Variants in FAM228B observed in about 807,000 individuals in gnomAD.
FAM228B encodes the protein protein FAM228B.
FAM228B carries 38 observed loss-of-function variants against 42.6 expected under a neutral mutation model. The ratio of observed to expected loss-of-function variants is 0.89; its 90% CI spans 0.69 to 1.17. The LOEUF (loss-of-function observed/expected upper bound fraction) is 1.17. FAM228B is among the 50% of genes most tolerant of loss of function. FAM228B has a pLI of 0.00. For synonymous variants in FAM228B, 109 were observed against 122.3 expected, an observed-to-expected ratio of 0.89 and a Z score of 0.72; for missense variants, 344 against 367.3, an observed-to-expected ratio of 0.94 and a Z score of 0.52.
upstream of FAM228B, chr2:24,122,381 G>T: frequency 7.4e-7 from 1 of 1,360,120 alleles, no homozygotes. Context: ...GAAATAATAA[G>T]TAAATCAAGT....
Position 24,139,402 on chromosome 2 carries a change from A to C in FAM228B, c.393A>C (p.Lys131Asn). ...GNAFIEHYDP[K>N]EYDPFYMSKK... ...CATTTATAGAACATTATGATCCAAAAGAGTATGATCCCTTTTATATGAGCA... is the reference window on the plus strand; with the variant it reads ...CATTTATAGAACATTATGATCCAAACGAGTATGATCCCTTTTATATGAGCA... The change falls in exon 5 of 11, where the codon AAA becomes AAC. Residue 131 changes from lysine to asparagine, a missense_variant. By Grantham distance (94) the Lys-to-Asn change is moderately conservative. Transcript: ENST00000615575. The C allele has an allele frequency of 6.5e-7, 1 of 1,548,172 alleles. No individual in the cohort carries two copies. Among genetic ancestry groups the C allele is most frequent in the Non-Finnish European group, 8.7e-7 (1 of 1,144,244 alleles).
intron 7 of FAM228B, among the ~76,000 whole-genome samples, chr2:24,154,676 C>T (rs773858491): frequency 1.1e-4 from 17 of 152,274 alleles, no homozygotes; most frequent in East Asian, 1.9e-4. Flanking sequence ...CTACCAAAGG[C>T]GAAGCAGGTT....
rs200355944 is a variant in FAM228B, at chr2:24,080,903, G to A, written c.-262G>A. 33 of 1,614,048 alleles carry A rather than the reference G, an allele frequency of 2.0e-5. No individual in the cohort carries two copies. The highest frequency in any genetic ancestry group is 2.6e-5 in the Non-Finnish European group (31 of 1,180,046). ...GCTGCTCCAAGCTTTTCTGCCATTT[G>A]AAGCTTCTTCTGGGAGCCAGCTGTG... On this transcript the variant is annotated 5_prime_UTR_variant, in exon 2 of 11. Coordinates refer to the FAM228B transcript ENST00000613899. This position sits in a 1 kb window ranked among gnomAD's most constrained non-coding sequence, Gnocchi z 4.7.
At chr2:24,137,742 G>T (rs1666624799) in intron 3 of FAM228B, among the ~76,000 whole-genome samples, 167 bp from the exon 4 acceptor site, 1 of 152,150 alleles carries the variant, frequency 6.6e-6, no homozygotes, top group Non-Finnish European at 1.5e-5. Context: ...GCAGCAGAGT[G>T]TATGTCACAT....
Position 24,095,493 on chromosome 2 carries a change from C to T in FAM228B, c.-121+264C>T, listed in dbSNP as rs1665478826. The T allele has an allele frequency of 6.6e-6, 1 of 152,328 alleles. No individual in the cohort carries two copies. The highest frequency in any genetic ancestry group is 1.5e-5 in the Non-Finnish European group (1 of 68,108). 9.4% of individuals were successfully genotyped at this position (152,328 alleles called of 1,614,324 possible). On this transcript the variant is annotated intron_variant, in intron 3 of 10. Coordinates refer to the FAM228B transcript ENST00000613899. This position sits in a 1 kb window ranked among gnomAD's most constrained non-coding sequence, Gnocchi z 4.8. ...CTCGGCGGGTTCCACACCCACGGAG[C>T]CTTGCTCACTGCTAGTGCAGCAGTC...
At chr2:24,138,144 T>A in intron 4 of FAM228B, 44 bp downstream of exon 4, 1 of 1,380,172 alleles carries the variant, frequency 7.2e-7, no homozygotes. Flanking sequence ...GATTTAGACC[T>A]AATGTCATCT....
At chr2:24,104,409 G>C (rs1665666407) in intron 3 of FAM228B, among the ~76,000 whole-genome samples, 1 of 152,226 alleles carries the variant, frequency 6.6e-6, no homozygotes. Flanking sequence ...AAAGGCTGCA[G>C]TTGCCATGCA....
chr2:24,163,765 G>T (rs1037856681), intron 8 of FAM228B, among the ~76,000 whole-genome samples: 1 of 152,166 alleles, frequency 6.6e-6, no homozygotes, highest in Admixed American at 6.5e-5. Context: ...GGAGTAGTGG[G>T]TTCCTGTATT....
chr2:24,082,068 C>T (rs547371732), intron 2 of FAM228B, among the ~76,000 whole-genome samples: 75 of 152,284 alleles, frequency 4.9e-4, no homozygotes, highest in Non-Finnish European at 6.6e-4. Flanking sequence ...GATCATGGCT[C>T]ACTGCAGCCT....
At chr2:24,093,525 T>C (rs1214908050) in intron 2 of FAM228B, among the ~76,000 whole-genome samples, 3 of 152,186 alleles carry the variant, frequency 2.0e-5, no homozygotes, top group Non-Finnish European at 2.9e-5. Flanking sequence ...TGTATATGTA[T>C]CATATTTTCT....
chr2:24,158,214 C>CTTTTTTTT (rs1206913020), intron 7 of FAM228B, among the ~76,000 whole-genome samples: 1 of 95,702 alleles, frequency 1.0e-5, no homozygotes, highest in Non-Finnish European at 1.9e-5. Context: ...TTTTTTTTTT[C>CTTTTTTTT]CAAAACATTG....
chr2:24,146,796 A>G lies in FAM228B; in HGVS notation c.490A>G (p.Lys164Glu). The G allele has an allele frequency of 6.5e-7, 1 of 1,550,258 alleles. No homozygotes were observed. Among genetic ancestry groups the G allele is most frequent in the East Asian group, 2.4e-5 (1 of 40,878 alleles). Residue 164 changes from lysine (K) to glutamate (E), a missense_variant, in exon 6 of 11, where the codon AAG (lysine) becomes GAG (glutamate). Lys to Glu is a moderately conservative substitution (Grantham distance 56). Transcript: ENST00000615575. ...CCCTTTGAAAAAAGCACAATATGACAAGGATAACGAAAAAAGAACTCTTCT... is the reference window on the plus strand; with the variant it reads ...CCCTTTGAAAAAAGCACAATATGACGAGGATAACGAAAAAAGAACTCTTCT... Reference protein sequence around the residue: ...HDPLKKAQYDKDNEKRTLLQC... With the variant: ...HDPLKKAQYDEDNEKRTLLQC...
At chr2:24,116,143 A>G (rs1313102414) in intron 3 of FAM228B, among the ~76,000 whole-genome samples, 2 of 152,044 alleles carry the variant, frequency 1.3e-5, no homozygotes, top group African/African-American at 4.8e-5. Flanking sequence ...CCTGGCTAAC[A>G]TGGTGAAAAT....
chr2:24,082,817 A>T (rs1665063887), intron 2 of FAM228B: 1 of 1,510,034 alleles, frequency 6.6e-7, no homozygotes, highest in African/African-American at 1.4e-5. Context: ...GATTGCTGGG[A>T]TTCAAGTTGG....
chr2:24,122,721 A>C, upstream of FAM228B: 1 of 490,958 alleles, frequency 2.0e-6, no homozygotes, highest in Non-Finnish European at 3.6e-6. Flanking sequence ...CCCAAAGAGG[A>C]AAACAGAATC....
intron 3 of FAM228B, among the ~76,000 whole-genome samples, chr2:24,103,945 G>C (rs1287698386): frequency 6.6e-6 from 1 of 152,214 alleles, no homozygotes; most frequent in Admixed American, 6.5e-5. Context: ...TGGGACGATT[G>C]AGATGAATTG....
chr2:24,099,589 C>A (rs1042546409), intron 3 of FAM228B, among the ~76,000 whole-genome samples: 7 of 151,722 alleles, frequency 4.6e-5, no homozygotes, highest in African/African-American at 1.7e-4. Flanking sequence ...TCAAGGAGAA[C>A]TACAAACCAC....
intron 5 of FAM228B, chr2:24,142,866 G>A (rs1359812623): frequency 6.6e-6 from 1 of 152,208 alleles, no homozygotes; most frequent in Non-Finnish European, 1.5e-5. Flanking sequence ...ATTAATGAAT[G>A]TGATTCTTTG....
chr2:24,108,827 G>A lies in FAM228B; in HGVS notation c.-121+13598G>A, dbSNP rs111602548. Reference sequence around the variant, plus strand: ...GAGGCAGGAGAATGGCATGAACCTGGGAGGCGGAGCTTGCAGTGAGCCGAG... The same window carrying A: ...GAGGCAGGAGAATGGCATGAACCTGAGAGGCGGAGCTTGCAGTGAGCCGAG... On this transcript the variant is annotated intron_variant, in intron 3 of 10. Transcript: ENST00000613899. Among the ~76,000 whole-genome samples, 270 of 151,862 alleles carry A rather than the reference G, an allele frequency of 1.8e-3. 2 individuals carry two copies. The highest frequency in any genetic ancestry group is 6.2e-3 in the African/African-American group (257 of 41,422).
Sources: allele counts gnomAD v4.1 joint callset (sites outside exome capture counted in the v4.1 genomes callset), GRCh38; gene constraint gnomAD v4.1.1; non-coding constraint Gnocchi (gnomAD v3.1); transcripts MANE v1.5; gene names NCBI Gene and HGNC (gene_info 2026-07-23, HGNC 2026-07-21).